Variants in ITGB1BP1 observed in about 807,000 individuals in gnomAD.
ITGB1BP1 encodes the protein integrin beta-1-binding protein 1.
Under a neutral mutation model 28.0 loss-of-function variants are expected in ITGB1BP1, and 20 were observed. That is an observed-to-expected ratio of 0.71 (90% CI 0.50 to 1.04). The LOEUF (loss-of-function observed/expected upper bound fraction) is 1.04. Among genes scored for constraint, ITGB1BP1 ranks in the 50% least tolerant of loss-of-function variants. The probability of loss-of-function intolerance (pLI) is 0.00; values close to 1 mark genes in which losing one functional copy is unlikely to be tolerated. For missense variants in ITGB1BP1, 228 were observed against 242.5 expected (o/e 0.94, Z 0.40); for synonymous variants, 103 against 89.5 (o/e 1.15, Z -0.85).
At chr2:9,423,219 C>T (rs2148926269) in intron 1 of ITGB1BP1, 154 bp downstream of exon 1, 1 of 1,099,102 alleles carries the variant, frequency 9.1e-7, no homozygotes, top group Non-Finnish European at 1.1e-6. Context: ...GGAGCGCGGC[C>T]CCGCCCGGAA....
intron 3 of ITGB1BP1, among the ~76,000 whole-genome samples, 155 bp downstream of exon 3, chr2:9,414,023 C>T (rs1421735033): frequency 2.0e-5 from 3 of 152,134 alleles, no homozygotes; most frequent in African/African-American, 7.2e-5. Context: ...GCCCACGTCC[C>T]GCCAAATCTT....
At chr2:9,417,502 C>T (rs1416641634) in intron 2 of ITGB1BP1, among the ~76,000 whole-genome samples, 1 of 152,076 alleles carries the variant, frequency 6.6e-6, no homozygotes, top group African/African-American at 2.4e-5. Context: ...TCACTGCAAC[C>T]TTCGACTCCT....
At chr2:9,422,864 TGA>T in intron 1 of ITGB1BP1, 1 of 985,866 alleles carries the variant, frequency 1.0e-6, no homozygotes, top group Non-Finnish European at 1.2e-6. Context: ...GAAGAGTCAG[TGA>T]CCTGCCCAGG....
In ITGB1BP1 at chr2:9,405,901, C is replaced by T. The variant is rs10593; in HGVS notation, c.*933G>A. 0.81 allele frequency: 123,048 copies of T among 152,194 alleles called. 50,607 individuals are homozygous for T. The highest frequency in any genetic ancestry group is 0.89 in the Middle Eastern group (262 of 294). The allele number at this position is 152,194 out of a possible 1,614,324, so 9.4% of individuals were successfully genotyped here. On this transcript the variant is annotated 3_prime_UTR_variant, in exon 7 of 7. Coordinates refer to ENST00000355346, the MANE Select transcript of ITGB1BP1 (RefSeq NM_004763.5). ...TGTGTGTCTTAAGTTGGCAATGTCA[C>T]TGTTCCAGACCAGCATGAATCCTGG...
intron 3 of ITGB1BP1, 172 bp from the exon 4 acceptor site, chr2:9,412,577 C>T (rs1251943678): frequency 3.5e-6 from 2 of 569,654 alleles, no homozygotes; most frequent in African/African-American, 3.8e-5. Flanking sequence ...ATTTCACTAA[C>T]CTTTTCCTCA....
intron 1 of ITGB1BP1, chr2:9,419,983 T>A: frequency 1.2e-6 from 1 of 811,030 alleles, no homozygotes; most frequent in Non-Finnish European, 1.5e-6. Flanking sequence ...CAAGAAAATC[T>A]GCTTACTATA....
At chr2:9,411,870 C>A (rs1303460959) in intron 4 of ITGB1BP1, among the ~76,000 whole-genome samples, 1 of 151,812 alleles carries the variant, frequency 6.6e-6, no homozygotes, top group East Asian at 1.9e-4. Flanking sequence ...TGGAAAAACC[C>A]TGTCTCTACT....
At chr2:9,416,072 A>T (rs1679092006) in intron 2 of ITGB1BP1, among the ~76,000 whole-genome samples, 1 of 152,126 alleles carries the variant, frequency 6.6e-6, no homozygotes, top group Non-Finnish European at 1.5e-5. Flanking sequence ...AAGGGTGGAA[A>T]ATCATGAAAA....
intron 4 of ITGB1BP1, among the ~76,000 whole-genome samples, chr2:9,409,389 C>T (rs544698886): frequency 7.2e-5 from 11 of 152,230 alleles, no homozygotes; most frequent in South Asian, 2.1e-4. Context: ...CCAAGAACCA[C>T]GGTATGGGAT....
intron 1 of ITGB1BP1, among the ~76,000 whole-genome samples, chr2:9,421,713 G>A (rs1305799558): frequency 1.3e-5 from 2 of 151,356 alleles, no homozygotes; most frequent in Non-Finnish European, 2.9e-5. Flanking sequence ...AATTATTCAT[G>A]CATCAAAATG....
intron 4 of ITGB1BP1, among the ~76,000 whole-genome samples, chr2:9,409,415 G>C (rs1181719411): frequency 1.3e-5 from 2 of 152,174 alleles, no homozygotes; most frequent in Non-Finnish European, 2.9e-5. Flanking sequence ...TCAAGCTATT[G>C]TCAATACTGG....
At chr2:9,408,662 G>C (rs1572686479) in intron 4 of ITGB1BP1, among the ~76,000 whole-genome samples, 1 of 152,004 alleles carries the variant, frequency 6.6e-6, no homozygotes, top group Admixed American at 6.6e-5. Context: ...TTAAATCGAG[G>C]TGGGATCTCA....
Position 9,406,844 on chromosome 2 carries a change from T to C in ITGB1BP1, c.593A>G (p.Glu198Gly), listed in dbSNP as rs142466927. Reference protein sequence around the residue: ...STAFDSVLTSEKP With the variant: ...STAFDSVLTSGKP ...ACTTGATTGCAGGATTCAGGGTTTC[T>C]CAGATGTTAATACAGAGTCAAAAGC... Residue 198 changes from glutamate (E) to glycine (G), a missense_variant, in exon 7 of 7, where the codon GAG becomes GGG. This residue lies in a region of ITGB1BP1 where 192 missense variants were observed against 181.6 expected (regional missense o/e 1.06). Transcript: ENST00000355346. The C allele has an allele frequency of 2.0e-5, 32 of 1,611,502 alleles. No homozygotes were observed. The African/African-American group carries it at 4.1e-4, about 21-fold the overall frequency.
At chr2:9,410,668 G>A (rs1008399277) in intron 4 of ITGB1BP1, among the ~76,000 whole-genome samples, 1 of 152,226 alleles carries the variant, frequency 6.6e-6, no homozygotes, top group East Asian at 1.9e-4. Flanking sequence ...TTGAACTCTT[G>A]GCCTCAAGTG....
Position 9,408,285 on chromosome 2 carries a change from T to C in ITGB1BP1, c.289-80A>G, listed in dbSNP as rs1163324516. 4.6e-6 allele frequency: 4 copies of C among 863,862 alleles called. No homozygotes were observed. The Admixed American group carries it at 7.3e-5, about 16-fold the overall frequency. 53.5% of individuals were successfully genotyped at this position (863,862 alleles called of 1,614,324 possible). On this transcript the variant is annotated intron_variant, in intron 4 of 6. Coordinates refer to ENST00000355346, the MANE Select transcript of ITGB1BP1 (RefSeq NM_004763.5). ...AGTCTGACTAGTCACTTTGAGTATC[T>C]GGCCATCGCAAGCCCAAACCCTTTA...
chr2:9,410,951 A>G (rs996300580), intron 4 of ITGB1BP1, among the ~76,000 whole-genome samples: 4 of 152,186 alleles, frequency 2.6e-5, no homozygotes, highest in African/African-American at 9.7e-5. Flanking sequence ...AAGTTAAGGA[A>G]TCTTGGTATT....
chr2:9,414,116 G>T, intron 3 of ITGB1BP1, 62 bp downstream of exon 3: 1 of 1,392,180 alleles, frequency 7.2e-7, no homozygotes. Flanking sequence ...TGCTACCCCA[G>T]TAAAACCACG....
At chr2:9,418,496 A>G (rs1025849805) in intron 2 of ITGB1BP1, 130 bp downstream of exon 2, 11 of 721,148 alleles carry the variant, frequency 1.5e-5, no homozygotes, top group Middle Eastern at 2.4e-4. Context: ...GCAAAAAGTA[A>G]ATGTTAAAAC....
chr2:9,411,263 ATATGT>A (rs1368228362), intron 4 of ITGB1BP1, among the ~76,000 whole-genome samples: 1 of 152,206 alleles, frequency 6.6e-6, no homozygotes, highest in Non-Finnish European at 1.5e-5. Context: ...GAATAAACAG[ATATGT>A]TAGGTGGACA....
Sources: allele counts gnomAD v4.1 joint callset (sites outside exome capture counted in the v4.1 genomes callset), GRCh38; gene constraint gnomAD v4.1.1; regional missense constraint gnomAD v4.1.1; transcripts MANE v1.5; gene names NCBI Gene and HGNC (gene_info 2026-07-23, HGNC 2026-07-21).